BPIFA2: variants seen among roughly 807,000 people sequenced by gnomAD.
BPIFA2 encodes BPI fold-containing family A member 2.
BPIFA2 carries 20 observed loss-of-function variants against 25.7 expected under a neutral mutation model. The ratio of observed to expected loss-of-function variants is 0.78; its 90% confidence interval spans 0.55 to 1.13. BPIFA2 has a LOEUF of 1.13. Ranked by LOEUF, BPIFA2 falls within the 50% of genes most tolerant of loss-of-function variation. BPIFA2 has a pLI of 0.00. For missense variants in BPIFA2, 300 were observed against 298.1 expected, an observed-to-expected ratio of 1.01 and a Z score of -0.05; for synonymous variants, 126 against 124.3, an observed-to-expected ratio of 1.01 and a Z score of -0.09.
chr20:33,173,959 G>A (rs1225778325), intron 3 of BPIFA2, 120 bp from the exon 4 acceptor site: 29 of 743,094 alleles, frequency 3.9e-5, no homozygotes, highest in Middle Eastern at 2.6e-4. Context: ...GGGCTATAGT[G>A]AAGACTAAAG....
intron 5 of BPIFA2, 24 bp from the exon 6 acceptor site, chr20:33,178,123 T>C: frequency 2.6e-6 from 4 of 1,563,998 alleles, no homozygotes; most frequent in Non-Finnish European, 3.5e-6. Context: ...TGACCAGACT[T>C]TAATAGTTCC....
intron 4 of BPIFA2, among the ~76,000 whole-genome samples, chr20:33,174,588 G>A (rs879607279): frequency 6.6e-6 from 1 of 152,114 alleles, no homozygotes; most frequent in Non-Finnish European, 1.5e-5. Flanking sequence ...GTATAATAAA[G>A]TGTGTGTGTG....
chr20:33,162,572 C>A (rs1308896616), intron 1 of BPIFA2, among the ~76,000 whole-genome samples: 6 of 152,312 alleles, frequency 3.9e-5, no homozygotes, highest in Non-Finnish European at 5.9e-5. Flanking sequence ...ATGTGCCCGA[C>A]ACTGGGCTAA....
upstream of BPIFA2, among the ~76,000 whole-genome samples, chr20:33,165,863 G>C (rs147628385): frequency 0.01 from 1,536 of 152,210 alleles, 33 homozygotes; most frequent in African/African-American, 0.035. Flanking sequence ...GCACACAGGA[G>C]GAGTTGTCAC....
chr20:33,168,021 T>A (rs1306236279), upstream of BPIFA2: 2 of 152,260 alleles, frequency 1.3e-5, no homozygotes, highest in Non-Finnish European at 2.9e-5. Flanking sequence ...GTTGGAAATC[T>A]CTCTCTCTGC....
chr20:33,175,604 G>A (rs541443453), intron 5 of BPIFA2, 45 bp downstream of exon 5: 39 of 1,595,232 alleles, frequency 2.4e-5, no homozygotes, highest in Non-Finnish European at 3.2e-5. Flanking sequence ...CAGGGAACTT[G>A]AGGACCCCTA....
intron 7 of BPIFA2, 147 bp from the exon 8 acceptor site, chr20:33,180,373 C>T (rs369212800): frequency 1.2e-6 from 1 of 834,118 alleles, no homozygotes; most frequent in Non-Finnish European, 2.0e-6. Flanking sequence ...TACAGATGAA[C>T]AAACTGAAGC....
intron 2 of BPIFA2, among the ~76,000 whole-genome samples, chr20:33,171,931 A>C (rs551635611): frequency 6.6e-6 from 1 of 152,328 alleles, no homozygotes; most frequent in South Asian, 2.1e-4. Flanking sequence ...ATAAAGACAC[A>C]TGTACACATA....
At chr20:33,179,891 G>A (rs1456640329) in intron 7 of BPIFA2, among the ~76,000 whole-genome samples, 4 of 152,156 alleles carry the variant, frequency 2.6e-5, no homozygotes, top group South Asian at 2.1e-4. Flanking sequence ...AAGTAAAGCT[G>A]TCAAGACCCT....
chr20:33,175,657 A>C (rs1568609241), intron 5 of BPIFA2, 98 bp downstream of exon 5: 1 of 1,335,528 alleles, frequency 7.5e-7, no homozygotes, highest in Non-Finnish European at 1.0e-6. Context: ...CCTAGTGGTG[A>C]AAGTGTTCAG....
chr20:33,176,352 G>A lies in BPIFA2; in HGVS notation c.563+793G>A, dbSNP rs78326465. ...GTGATGCTGGCCGATGGCTGGGAGAGGATGAATGACCCAGAAGCTGAGGGC... is the reference window on the plus strand; with the variant it reads ...GTGATGCTGGCCGATGGCTGGGAGAAGATGAATGACCCAGAAGCTGAGGGC... On this transcript the variant is annotated intron_variant, in intron 5 of 8. Transcript: ENST00000354932. Among the ~76,000 whole-genome samples, 28 of 152,334 alleles carry A rather than the reference G, an allele frequency of 1.8e-4. No individual in the cohort carries two copies. The East Asian group carries it at 4.8e-3, about 26-fold the overall frequency.
chr20:33,174,518 T>C (rs1984009146), intron 4 of BPIFA2, among the ~76,000 whole-genome samples: 1 of 152,252 alleles, frequency 6.6e-6, no homozygotes, highest in African/African-American at 2.4e-5. Flanking sequence ...ATTTTGTCCC[T>C]CAAGATTCTC....
chr20:33,170,897 G>C (rs1198153556), intron 2 of BPIFA2, among the ~76,000 whole-genome samples: 1 of 152,180 alleles, frequency 6.6e-6, no homozygotes, highest in African/African-American at 2.4e-5. Flanking sequence ...ACCATCTTGA[G>C]TTAAGTTTTT....
chr20:33,173,169 A>C lies in BPIFA2; in HGVS notation c.302+93A>C, dbSNP rs1005030518. On this transcript the variant is annotated intron_variant, in intron 3 of 8. Coordinates refer to ENST00000354932, the MANE Select transcript of BPIFA2 (RefSeq NM_080574.4). The stretch of plus-strand genomic sequence containing the variant: ...AGTTTAAGATGAAAGACAGATGGAC[A>C]AGCCTCATTCCCCTCCCACAGAGCC... 3 of 1,454,040 alleles carry C rather than the reference A, an allele frequency of 2.1e-6. No individual in the cohort carries two copies. In the Admixed American group the frequency reaches 5.9e-5, roughly 28 times the overall value. The allele number at this position is 1,454,040 out of a possible 1,614,324, so 90.1% of individuals were successfully genotyped here. A position where few individuals can be genotyped will look rare whatever the true frequency, so the allele number is the denominator to read the frequency against.
At chr20:33,168,407 A>T (rs2146450089) in intron 1 of BPIFA2, among the ~76,000 whole-genome samples, 198 bp downstream of exon 1, 1 of 152,340 alleles carries the variant, frequency 6.6e-6, no homozygotes, top group South Asian at 2.1e-4. Flanking sequence ...CCTCTGGGCA[A>T]TTCTTACTCC....
At chr20:33,169,098 A>C (rs897480809) in intron 1 of BPIFA2, 33 bp from the exon 2 acceptor site, 1 of 1,572,534 alleles carries the variant, frequency 6.4e-7, no homozygotes, top group Non-Finnish European at 8.7e-7. Flanking sequence ...CCTCTGGGCA[A>C]TTCTCACTCC....
chr20:33,164,769 A>G (rs1479891559), upstream of BPIFA2, among the ~76,000 whole-genome samples: 1 of 152,094 alleles, frequency 6.6e-6, no homozygotes, highest in African/African-American at 2.4e-5. Flanking sequence ...CTCTGGGGGA[A>G]CGAAGGTGAA....
At chr20:33,170,742 C>T (rs1478112165) in intron 2 of BPIFA2, among the ~76,000 whole-genome samples, 1 of 152,236 alleles carries the variant, frequency 6.6e-6, no homozygotes, top group African/African-American at 2.4e-5. Flanking sequence ...ATCATAAAGA[C>T]ACTTTGTCCT....
chr20:33,173,159 A>T, intron 3 of BPIFA2, 83 bp downstream of exon 3: 1 of 1,495,000 alleles, frequency 6.7e-7, no homozygotes, highest in Non-Finnish European at 9.1e-7. Flanking sequence ...AAGATGAAAG[A>T]CAGATGGACA....
Sources: allele counts gnomAD v4.1 joint callset (sites outside exome capture counted in the v4.1 genomes callset), GRCh38; gene constraint gnomAD v4.1.1; transcripts MANE v1.5; gene names NCBI Gene and HGNC (gene_info 2026-07-23, HGNC 2026-07-21).